The following C2orf80 variants were observed in gnomAD, a reference collection of about 807,000 sequenced individuals.
C2orf80 encodes the protein chromosome 2 open reading frame 80, also known as uncharacterized protein C2orf80.
A neutral mutation model predicts 30.2 loss-of-function variants in C2orf80; 28 were observed. The observed-to-expected ratio is 0.93, with a 90% CI of 0.69 to 1.27. The LOEUF (loss-of-function observed/expected upper bound fraction) is 1.27, where lower values mean the gene tolerates loss of function less well. C2orf80 is among the 50% of genes most tolerant of loss of function. The pLI, the probability that C2orf80 is intolerant of heterozygous loss-of-function variation, is 0.00. For missense variants in C2orf80, 220 were observed against 231.0 expected (o/e 0.95, Z 0.31); for synonymous variants, 80 against 76.4 (o/e 1.05, Z -0.24).
intron 1 of C2orf80, among the ~76,000 whole-genome samples, chr2:208,189,623 A>C (rs1696817873): frequency 6.6e-6 from 1 of 152,222 alleles, no homozygotes; most frequent in African/African-American, 2.4e-5. Flanking sequence ...ATGGATTCTA[A>C]TTCAGCTAGA....
intron 8 of C2orf80, among the ~76,000 whole-genome samples, chr2:208,168,660 CAAAAAA>C (rs67224423): frequency 2.0e-5 from 2 of 97,790 alleles, no homozygotes; most frequent in Non-Finnish European, 3.8e-5. Context: ...GACTCCGTCT[CAAAAAA>C]AAAAAAAAAA....
rs371529949 is a variant in C2orf80, at chr2:208,180,597, G to GT, written c.366+147dup. The GT allele has an allele frequency of 1.3e-5, 8 of 613,296 alleles. No homozygotes were observed. In the African/African-American group the frequency reaches 1.5e-4, roughly 11 times the overall value. 38.0% of individuals were successfully genotyped at this position (613,296 alleles called of 1,614,324 possible). On this transcript the variant is annotated intron_variant, in intron 6 of 8. Transcript: ENST00000341287. The stretch of plus-strand genomic sequence containing the variant: ...AAGGCATTTCACACACGTTATTCAA[G>GT]TAAGAAATGGTTATGTCTGGTTTTG...
intron 2 of C2orf80, among the ~76,000 whole-genome samples, chr2:208,186,476 G>C (rs190397676): frequency 5.4e-4 from 82 of 152,300 alleles, no homozygotes; most frequent in African/African-American, 1.9e-3. Context: ...GATGTTTTCT[G>C]TGTTCGTTTT....
Position 208,181,299 on chromosome 2 carries a change from T to C in C2orf80, c.213A>G (p.Ile71Met), listed in dbSNP as rs1358359240. The part of the protein sequence containing the change: ...LTWLEWEELK[I>M]PLHGRPIYPN... ...GATATATGGGTCTGCCATGGAGTGGTATTTTCCTAATGGGGAATAGGAAAT... is the reference window on the plus strand; with the variant it reads ...GATATATGGGTCTGCCATGGAGTGGCATTTTCCTAATGGGGAATAGGAAAT... Residue 71 changes from isoleucine to methionine, a missense_variant, in exon 5 of 9, where the codon ATA (isoleucine) becomes ATG (methionine). Ile to Met is a conservative substitution (Grantham distance 10). Coordinates refer to ENST00000341287, the MANE Select transcript of C2orf80 (RefSeq NM_001099334.3). The C allele has an allele frequency of 6.2e-7, 1 of 1,600,144 alleles. No individual in the cohort carries two copies.
Position 208,170,927 on chromosome 2 carries a change from T to C in C2orf80, c.573+18A>G, listed in dbSNP as rs1559337235. ...ATAGCTGGTATCAGTTTGGTCCAAT[T>C]TACAATCTCACACCTACTTTGTGCT... is the stretch of plus-strand genomic sequence containing the variant. On this transcript the variant is annotated intron_variant, in intron 8 of 8. Transcript: ENST00000341287. The C allele has an allele frequency of 6.3e-7, 1 of 1,598,238 alleles. No homozygotes were observed. The highest frequency in any genetic ancestry group is 8.6e-7 in the Non-Finnish European group (1 of 1,165,484).
intron 6 of C2orf80, among the ~76,000 whole-genome samples, chr2:208,173,549 C>T (rs1378337969): frequency 3.3e-5 from 5 of 151,972 alleles, no homozygotes; most frequent in African/African-American, 4.8e-5. Context: ...GGTGTGAACC[C>T]GGGAGGCGGA....
chr2:208,168,178 T>C (rs1695963010), intron 8 of C2orf80, among the ~76,000 whole-genome samples: 1 of 152,162 alleles, frequency 6.6e-6, no homozygotes, highest in Non-Finnish European at 1.5e-5. Context: ...CATACATATA[T>C]GTATGTTTAT....
At chr2:208,181,437 G>C in intron 4 of C2orf80, 132 bp from the exon 5 acceptor site, 1 of 565,454 alleles carries the variant, frequency 1.8e-6, no homozygotes, top group Non-Finnish European at 3.1e-6. Context: ...TAATAAAATT[G>C]GTATGATTGT....
chr2:208,184,676 G>C (rs575959177), intron 3 of C2orf80, among the ~76,000 whole-genome samples: 1 of 152,138 alleles, frequency 6.6e-6, no homozygotes, highest in East Asian at 1.9e-4. Context: ...CTCCACAGAC[G>C]TAACATTTTG....
chr2:208,186,781 C>T (rs1301325285), intron 2 of C2orf80, among the ~76,000 whole-genome samples, 165 bp downstream of exon 2: 1 of 152,160 alleles, frequency 6.6e-6, no homozygotes, highest in Non-Finnish European at 1.5e-5. Context: ...GGTGAGGCCT[C>T]CCTGGCAGGA....
intron 4 of C2orf80, 42 bp from the exon 5 acceptor site, chr2:208,181,347 T>C (rs749714280): frequency 4.7e-6 from 6 of 1,284,938 alleles, no homozygotes; most frequent in Non-Finnish European, 6.8e-6. Flanking sequence ...TTTATTCTTG[T>C]TCTTTTTGAT....
intron 6 of C2orf80, among the ~76,000 whole-genome samples, chr2:208,177,346 A>G (rs1696390949): frequency 1.3e-5 from 2 of 151,938 alleles, no homozygotes; most frequent in African/African-American, 4.8e-5. Flanking sequence ...GTTCGAGAAC[A>G]GCCTGACCAA....
At chr2:208,181,481 T>C (rs1559343380) in intron 4 of C2orf80, among the ~76,000 whole-genome samples, 176 bp from the exon 5 acceptor site, 1 of 152,206 alleles carries the variant, frequency 6.6e-6, no homozygotes, top group Admixed American at 6.5e-5. Flanking sequence ...TTTGAATTTT[T>C]AATCTTCCAA....
At chr2:208,182,611 G>A (rs2105910509) in intron 4 of C2orf80, among the ~76,000 whole-genome samples, 1 of 152,242 alleles carries the variant, frequency 6.6e-6, no homozygotes, top group African/African-American at 2.4e-5. Flanking sequence ...ATATTGTCCA[G>A]GTTGGTCTTG....
intron 8 of C2orf80, among the ~76,000 whole-genome samples, chr2:208,169,425 T>C (rs1361881687): frequency 5.3e-5 from 8 of 152,276 alleles, no homozygotes; most frequent in Admixed American, 3.3e-4. Context: ...AACAAAGATA[T>C]GGTTCTAGAA....
chr2:208,171,303 G>A (rs1240648073), intron 7 of C2orf80, among the ~76,000 whole-genome samples: 2 of 151,724 alleles, frequency 1.3e-5, no homozygotes, highest in African/African-American at 4.8e-5. Flanking sequence ...GTGCCACCAT[G>A]GCCAGCTATT....
intron 6 of C2orf80, among the ~76,000 whole-genome samples, chr2:208,177,040 A>G (rs1483717241): frequency 3.0e-5 from 2 of 66,946 alleles, no homozygotes; most frequent in African/African-American, 1.1e-4. Flanking sequence ...TATAGTACAC[A>G]TATATACTAT....
At chr2:208,175,406 G>GA (rs1013053575) in intron 6 of C2orf80, among the ~76,000 whole-genome samples, 1 of 152,136 alleles carries the variant, frequency 6.6e-6, no homozygotes, top group East Asian at 1.9e-4. Flanking sequence ...ATCCTCAGCA[G>GA]AAAAAAGCTC....
intron 8 of C2orf80, among the ~76,000 whole-genome samples, chr2:208,169,269 TTGTG>T (rs10658929): frequency 9.4e-5 from 13 of 138,084 alleles, no homozygotes; most frequent in South Asian, 2.5e-4. Context: ...AAAGTCTAGA[TTGTG>T]TGTGTGTGTG....
Sources: gnomAD v4.1 joint callset for allele counts (sites outside exome capture counted in the v4.1 genomes callset) on GRCh38, gnomAD v4.1.1 for gene constraint, MANE v1.5 for transcripts, NCBI Gene and HGNC (gene_info 2026-07-23, HGNC 2026-07-21) for gene names.